The following SELP variants were observed in gnomAD, a reference collection of about 807,000 sequenced individuals.
The protein encoded by SELP is selectin P.
Under a neutral mutation model 104.1 loss-of-function variants are expected in SELP, and 92 were observed. The observed-to-expected ratio is 0.88, with a 90% CI of 0.75 to 1.05. The LOEUF (loss-of-function observed/expected upper bound fraction) is 1.05. Ranked by LOEUF, SELP falls within the 50% of genes least tolerant of loss-of-function variation. The pLI is 0.00. For missense variants in SELP, 1,022 were observed against 1,017.3 expected (o/e 1.00, Z -0.06); for synonymous variants, 397 against 364.5 (o/e 1.09, Z -1.01).
chr1:169,612,128 G>C, intron 6 of SELP, 89 bp downstream of exon 6: 2 of 1,358,918 alleles, frequency 1.5e-6, no homozygotes, highest in East Asian at 4.7e-5. Flanking sequence ...ATTCAGGCCA[G>C]CTTCTCCATA....
chr1:169,626,753 G>A (rs1256097217), intron 1 of SELP, among the ~76,000 whole-genome samples: 1 of 152,102 alleles, frequency 6.6e-6, no homozygotes, highest in Admixed American at 6.6e-5. Context: ...GAAGTGCAGT[G>A]GCATGATCTG....
chr1:169,607,224 A>G, intron 8 of SELP, 90 bp from the exon 9 acceptor site: 2 of 1,092,586 alleles, frequency 1.8e-6, no homozygotes, highest in Non-Finnish European at 2.5e-6. Flanking sequence ...TGTCAAGAAC[A>G]GGGATTCCTG....
At chr1:169,601,288 G>A (rs905908860) in intron 10 of SELP, among the ~76,000 whole-genome samples, 12 of 152,260 alleles carry the variant, frequency 7.9e-5, no homozygotes, top group Admixed American at 7.2e-4. Context: ...AGCATTTTAT[G>A]TCTTTCACCC....
At chr1:169,613,959 T>C (rs3917717) in intron 3 of SELP, among the ~76,000 whole-genome samples, 12,153 of 150,518 alleles carry the variant, frequency 0.081, 621 homozygotes, top group African/African-American at 0.14. Flanking sequence ...GAGGGACAAA[T>C]GGAGCCAATG....
chr1:169,616,616 G>T (rs1056737987), intron 3 of SELP, among the ~76,000 whole-genome samples: 1 of 152,132 alleles, frequency 6.6e-6, no homozygotes, highest in Non-Finnish European at 1.5e-5. Context: ...CCTAGGGGCA[G>T]GGCTAAATTT....
chr1:169,603,307 C>CTCTCTGTG lies in SELP; in HGVS notation c.1520-97_1520-96insCACAGAGA, dbSNP rs879181764. On this transcript the variant is annotated intron_variant, in intron 9 of 16. Coordinates refer to ENST00000263686, the MANE Select transcript of SELP (RefSeq NM_003005.4). The stretch of plus-strand genomic sequence containing the variant: ...TCTCTCTCTTTCTCCCTCTCTCTCT[C>CTCTCTGTG]TGTGTGTGTGTGTGTGTGTGTGTGT... 15 of 605,578 alleles carry CTCTCTGTG rather than the reference C, an allele frequency of 2.5e-5. No individual in the cohort carries two copies. The African/African-American group carries it at 2.6e-4, about 11-fold the overall frequency. The allele number at this position is 605,578 out of a possible 1,614,324, so 37.5% of individuals were successfully genotyped here.
intron 1 of SELP, among the ~76,000 whole-genome samples, chr1:169,625,694 G>A (rs1663340927): frequency 6.6e-6 from 1 of 152,160 alleles, no homozygotes; most frequent in Non-Finnish European, 1.5e-5. Flanking sequence ...ATAACTGAAA[G>A]TAAGACAAAA....
chr1:169,611,050 G>C (rs1486937057), intron 7 of SELP, among the ~76,000 whole-genome samples: 1 of 152,042 alleles, frequency 6.6e-6, no homozygotes, highest in East Asian at 1.9e-4. Flanking sequence ...AATTCATTTT[G>C]GCGGAATTAT....
rs544732893 is a variant in SELP at position 169,616,939 on chromosome 1, T to A, written c.481+89A>T. ...ATTTCATGTCCTGCCTTTGTATCTT[T>A]GTGTTGACTCGGTGGTTATGTTGGC... On this transcript the variant is annotated intron_variant, in intron 3 of 16. Coordinates refer to ENST00000263686, the MANE Select transcript of SELP (RefSeq NM_003005.4). The A allele has an allele frequency of 2.7e-3, 3,807 of 1,389,308 alleles. 10 individuals are homozygous for A. The highest frequency in any genetic ancestry group is 5.3e-3 in the Middle Eastern group (20 of 3,752). The allele number at this position is 1,389,308 out of a possible 1,614,324, so 86.1% of individuals were successfully genotyped here. A position where few individuals can be genotyped will look rare whatever the true frequency, so the allele number is the denominator to read the frequency against.
intron 9 of SELP, 96 bp from the exon 10 acceptor site, chr1:169,603,307 CTG>C (rs3035296): frequency 0.02 from 12,139 of 603,516 alleles, 108 homozygotes; most frequent in African/African-American, 0.054. Context: ...CTCTCTCTCT[CTG>C]TGTGTGTGTG....
chr1:169,612,897 C>A, intron 5 of SELP, 32 bp downstream of exon 5: 1 of 1,517,718 alleles, frequency 6.6e-7, no homozygotes, highest in Non-Finnish European at 8.9e-7. Flanking sequence ...AATTCTATGT[C>A]AGTGAGGATG....
rs979076213 is a variant in SELP at position 169,611,651 on chromosome 1, G to A, written c.988C>T (p.Pro330Ser). The change falls in exon 7 of 17, where the codon CCC becomes TCC. Residue 330 changes from proline to serine, a missense_variant. Coordinates refer to ENST00000263686, the MANE Select transcript of SELP (RefSeq NM_003005.4). ...KAVQCQHLEA[P>S]SEGTMDCVHP... is the part of the protein sequence containing the mutation. ...ACACAGTCCATGGTTCCTTCACTGG[G>A]GGCTTCCAGGTGCTGACACTGCACA... 17 of 1,613,910 alleles carry A rather than the reference G, an allele frequency of 1.1e-5. No homozygotes were observed. The highest frequency in any genetic ancestry group is 1.4e-5 in the Non-Finnish European group (16 of 1,179,984).
chr1:169,591,269 G>A (rs1202685808), intron 15 of SELP, among the ~76,000 whole-genome samples, 157 bp downstream of exon 15: 1 of 152,028 alleles, frequency 6.6e-6, no homozygotes, highest in Non-Finnish European at 1.5e-5. Flanking sequence ...TAGAATATTT[G>A]TTATCTGTGT....
chr1:169,595,833 G>A lies in SELP; in HGVS notation c.2101+92C>T. ...AGATGACACTTGGAGTAGTGGTTGT[G>A]GTTGGGTGAGACTTCAACATACAGG... On this transcript the variant is annotated intron_variant, in intron 12 of 16. Coordinates refer to ENST00000263686, the MANE Select transcript of SELP (RefSeq NM_003005.4). 4 of 1,057,084 alleles carry A rather than the reference G, an allele frequency of 3.8e-6. No individual in the cohort carries two copies. In the East Asian group the frequency reaches 9.5e-5, roughly 25 times the overall value. 65.5% of individuals were successfully genotyped at this position (1,057,084 alleles called of 1,614,324 possible).
At chr1:169,625,983 C>T (rs142563150) in intron 1 of SELP, among the ~76,000 whole-genome samples, 1 of 152,270 alleles carries the variant, frequency 6.6e-6, no homozygotes. Flanking sequence ...GACTGTGTCA[C>T]TATGTTGGTC....
At position 169,603,307 on chromosome 1, in the gene SELP, C is replaced by CTCTCTG. The variant is rs879181764; in HGVS notation, c.1520-97_1520-96insCAGAGA. On this transcript the variant is annotated intron_variant, in intron 9 of 16. Coordinates refer to ENST00000263686, the MANE Select transcript of SELP (RefSeq NM_003005.4). ...TCTCTCTCTTTCTCCCTCTCTCTCT[C>CTCTCTG]TGTGTGTGTGTGTGTGTGTGTGTGT... 9.7e-4 allele frequency: 590 copies of CTCTCTG among 605,676 alleles called. 3 individuals carry two copies. The African/African-American group carries it at 0.012, about 12-fold the overall frequency. 37.5% of individuals were successfully genotyped at this position (605,676 alleles called of 1,614,324 possible).
At chr1:169,590,460 G>T (rs1170785961) in intron 15 of SELP, among the ~76,000 whole-genome samples, 1 of 152,182 alleles carries the variant, frequency 6.6e-6, no homozygotes, top group Non-Finnish European at 1.5e-5. Flanking sequence ...CCTCTAAGTT[G>T]CTGCAACCTC....
Position 169,611,736 on chromosome 1 carries a change from G to C in SELP, c.962-59C>G, listed in dbSNP as rs201019811. 1.4e-4 allele frequency: 148 copies of C among 1,078,916 alleles called. No individual in the cohort carries two copies. In the East Asian group the frequency reaches 2.4e-3, roughly 18 times the overall value. The allele number at this position is 1,078,916 out of a possible 1,614,324, so 66.8% of individuals were successfully genotyped here. On this transcript the variant is annotated intron_variant, in intron 6 of 16. Coordinates refer to ENST00000263686, the MANE Select transcript of SELP (RefSeq NM_003005.4). Reference sequence around the variant, plus strand: ...ACTGAGAAAGGAGAAAAGCCACACAGAGAGCAATGGTGGAACCACCTCTGA... The same window carrying C: ...ACTGAGAAAGGAGAAAAGCCACACACAGAGCAATGGTGGAACCACCTCTGA...
rs1240537118 is a variant in SELP at position 169,613,040 on chromosome 1, A to G, written c.664T>C (p.Phe222Leu). ...NCSHPLGNFS[F>L]NSQCSFHCTD... ...CAGTGGAAGCTGCACTGCGAGTTAA[A>G]AGAGAAGTTTCCCAGAGGGTGGCTG... Residue 222 changes from phenylalanine (F) to leucine (L), a missense_variant, in exon 5 of 17, where the codon TTT (phenylalanine) becomes CTT (leucine). By Grantham distance (22) the Phe-to-Leu change is conservative. Transcript: ENST00000263686. 1 of 1,613,742 alleles carries G rather than the reference A, an allele frequency of 6.2e-7. No individual in the cohort carries two copies. Among genetic ancestry groups the G allele is most frequent in the African/African-American group, 1.3e-5 (1 of 74,920 alleles).
Sources: gnomAD v4.1 joint callset for allele counts (sites outside exome capture counted in the v4.1 genomes callset) on GRCh38, gnomAD v4.1.1 for gene constraint, MANE v1.5 for transcripts, NCBI Gene and HGNC (gene_info 2026-07-23, HGNC 2026-07-21) for gene names.